Variants in DPYSL2 observed in about 807,000 individuals in gnomAD.
DPYSL2 encodes the protein dihydropyrimidinase like 2.
Under a neutral mutation model 69.9 loss-of-function variants are expected in DPYSL2, and 13 were observed. The observed-to-expected ratio is 0.19, with a 90% confidence interval of 0.12 to 0.30. The LOEUF (loss-of-function observed/expected upper bound fraction) is 0.30. Ranked by LOEUF, DPYSL2 falls within the 10% of genes least tolerant of loss-of-function variation. DPYSL2 has a pLI of 1.00. For missense variants in DPYSL2, 587 were observed against 918.9 expected (o/e 0.64, Z 4.67); for synonymous variants, 326 against 359.1 (o/e 0.91, Z 1.04).
chr8:26,621,553 G>T lies in DPYSL2; in HGVS notation c.629-2590G>T, dbSNP rs1213518154. Among the ~76,000 whole-genome samples, 1 of 152,186 alleles carries T rather than the reference G, an allele frequency of 6.6e-6. No homozygotes were observed. The highest frequency in any genetic ancestry group is 2.4e-5 in the African/African-American group (1 of 41,438). On this transcript the variant is annotated intron_variant, in intron 3 of 13. Coordinates refer to ENST00000521913, the MANE Select transcript of DPYSL2 (RefSeq NM_001197293.3). The surrounding 1 kb of genome is among the most constrained non-coding windows in gnomAD (Gnocchi z 4.9). ...GGCTCTTCCCTGATCTAGGCGTTCA[G>T]TACCTGCTCAGAGGGAGTTTACATT...
intron 1 of DPYSL2, among the ~76,000 whole-genome samples, chr8:26,519,775 A>G (rs1223232734): frequency 2.0e-5 from 3 of 152,084 alleles, no homozygotes; most frequent in Admixed American, 6.5e-5. Flanking sequence ...GTACAATTTA[A>G]TTTTGCAGGC....
chr8:26,608,702 A>T (rs1355534757), intron 3 of DPYSL2, among the ~76,000 whole-genome samples: 2 of 152,240 alleles, frequency 1.3e-5, no homozygotes, highest in Non-Finnish European at 2.9e-5. Context: ...GGGGACAAAA[A>T]AGACCCATTG....
In DPYSL2 at chr8:26,598,296, T is replaced by C. The variant is rs1801911551; in HGVS notation, c.628+14313T>C. ...ATCTACCTTTTCTTGTGTTCTTCTG[T>C]CGTCGAGAATCAATTAAAATGGTCA... On this transcript the variant is annotated intron_variant, in intron 3 of 13. Coordinates refer to ENST00000521913, the MANE Select transcript of DPYSL2 (RefSeq NM_001197293.3). This position sits in a 1 kb window ranked among gnomAD's most constrained non-coding sequence, Gnocchi z 4.2. Among the ~76,000 whole-genome samples, 1 of 152,228 alleles carries C rather than the reference T, an allele frequency of 6.6e-6. No individual in the cohort carries two copies. The highest frequency in any genetic ancestry group is 1.5e-5 in the Non-Finnish European group (1 of 68,044).
At position 26,621,472 on chromosome 8, in the gene DPYSL2, A is replaced by G. The variant is rs937471088; in HGVS notation, c.629-2671A>G. Among the ~76,000 whole-genome samples the G allele has an allele frequency of 6.6e-6, 1 of 152,156 alleles. No individual in the cohort carries two copies. Among genetic ancestry groups the G allele is most frequent in the African/African-American group, 2.4e-5 (1 of 41,420 alleles). ...TCCTTTGCTGCTTGACCTGATTGCA[A>G]GTGGAATGTGAGAGCCAGAAGGAAA... On this transcript the variant is annotated intron_variant, in intron 3 of 13. Coordinates refer to ENST00000521913, the MANE Select transcript of DPYSL2 (RefSeq NM_001197293.3). The surrounding 1 kb of genome is among the most constrained non-coding windows in gnomAD (Gnocchi z 4.9).
intron 3 of DPYSL2, among the ~76,000 whole-genome samples, chr8:26,615,221 TGAG>T (rs1802317660): frequency 1.3e-5 from 2 of 152,310 alleles, no homozygotes; most frequent in South Asian, 4.2e-4. Flanking sequence ...GAGGATTAAA[TGAG>T]AGAATCCATG....
At chr8:26,546,322 C>T (rs1326337733) in intron 1 of DPYSL2, among the ~76,000 whole-genome samples, 1 of 152,134 alleles carries the variant, frequency 6.6e-6, no homozygotes, top group Non-Finnish European at 1.5e-5. Flanking sequence ...AAGCAATGGA[C>T]TTTTGTATAT....
At position 26,588,872 on chromosome 8, in the gene DPYSL2, C is replaced by T. The variant is rs1301393406; in HGVS notation, c.628+4889C>T. ...AGTCATCCTAGCATCTTCATGTCCT[C>T]GTGCTGCCTTGAGTTGCTTTCATCT... On this transcript the variant is annotated intron_variant, in intron 3 of 13. Coordinates refer to ENST00000521913, the MANE Select transcript of DPYSL2 (RefSeq NM_001197293.3). This position sits in a 1 kb window ranked among gnomAD's most constrained non-coding sequence, Gnocchi z 5.4. Among the ~76,000 whole-genome samples the T allele has an allele frequency of 2.0e-5, 3 of 152,200 alleles. No homozygotes were observed.
rs575428606 is a variant in DPYSL2, at chr8:26,532,847, T to A, written c.354+18168T>A. 2.6e-5 allele frequency among the ~76,000 whole-genome samples: 4 copies of A among 152,372 alleles called. No individual in the cohort carries two copies. The East Asian group carries it at 7.7e-4, about 29-fold the overall frequency. On this transcript the variant is annotated intron_variant, in intron 1 of 13. Transcript: ENST00000521913. Reference sequence around the variant, plus strand: ...TGCTATGAATATTCATGGTAGAATCTGTGTGAACATATGTTTCCATTTCTC... The same window carrying A: ...TGCTATGAATATTCATGGTAGAATCAGTGTGAACATATGTTTCCATTTCTC...
At chr8:26,537,041 AT>A (rs5890319) in intron 1 of DPYSL2, among the ~76,000 whole-genome samples, 148,700 of 151,480 alleles carry the variant, frequency 0.98, 72,989 homozygotes, top group Non-Finnish European at 0.98. Flanking sequence ...AATAATACGG[AT>A]TTTTTTTTTT....
chr8:26,631,146 A>G (rs1463406156), intron 7 of DPYSL2, among the ~76,000 whole-genome samples: 1 of 152,192 alleles, frequency 6.6e-6, no homozygotes, highest in Non-Finnish European at 1.5e-5. Flanking sequence ...GAAGAGGAAA[A>G]TGCTCTCAGA....
chr8:26,540,877 C>A lies in DPYSL2; in HGVS notation c.354+26198C>A, dbSNP rs1226417995. ...CTGAGATCATGCCATTGCACTCCAGCTTTGGTGACAGAGTGAGACTCTGTC... is the reference window on the plus strand; with the variant it reads ...CTGAGATCATGCCATTGCACTCCAGATTTGGTGACAGAGTGAGACTCTGTC... On this transcript the variant is annotated intron_variant, in intron 1 of 13. Coordinates refer to ENST00000521913, the MANE Select transcript of DPYSL2 (RefSeq NM_001197293.3). Among the ~76,000 whole-genome samples, 4 of 139,326 alleles carry A rather than the reference C, an allele frequency of 2.9e-5. 1 individual carries two copies. The South Asian group carries it at 9.0e-4, about 31-fold the overall frequency. 91.4% of individuals were successfully genotyped at this position (139,326 alleles called of 152,430 possible). A position where few individuals can be genotyped will look rare whatever the true frequency, so the allele number is the denominator to read the frequency against.
Position 26,626,631 on chromosome 8 carries a change from C to T in DPYSL2, c.808C>T (p.Leu270Phe). Residue 270 changes from leucine (L) to phenylalanine (F), a missense_variant, in exon 5 of 14, where the codon CTC becomes TTC. Coordinates refer to ENST00000521913, the MANE Select transcript of DPYSL2 (RefSeq NM_001197293.3). The surrounding 1 kb of genome is among the most constrained non-coding windows in gnomAD (Gnocchi z 4.3). ...GTCCGCACTAGGGGTAAATTCCTTC[C>T]TCGTGTACATGGCTTTCAAAGATCG... ...LVKDHGVNSF[L>F]VYMAFKDRFQ... 1.2e-6 allele frequency: 2 copies of T among 1,614,142 alleles called. No homozygotes were observed. The highest frequency in any genetic ancestry group is 1.7e-6 in the Non-Finnish European group (2 of 1,180,038).
chr8:26,603,086 G>GTTCT (rs1802029018), intron 3 of DPYSL2, among the ~76,000 whole-genome samples: 1 of 152,272 alleles, frequency 6.6e-6, no homozygotes, highest in African/African-American at 2.4e-5. Context: ...GGATGTTTGA[G>GTTCT]TTCTATCTTC....
chr8:26,524,415 G>C (rs1343725208), intron 1 of DPYSL2, among the ~76,000 whole-genome samples: 1 of 151,864 alleles, frequency 6.6e-6, no homozygotes, highest in African/African-American at 2.4e-5. Context: ...TTTTTAAAAA[G>C]AAAAAAATCA....
chr8:26,628,003 G>T, intron 7 of DPYSL2, 63 bp downstream of exon 7: 1 of 1,532,446 alleles, frequency 6.5e-7, no homozygotes, highest in East Asian at 2.4e-5. Context: ...AGAGCCTCAG[G>T]GAACCTGCTT....
rs1284975175 is a variant in DPYSL2, at chr8:26,596,951, A to G, written c.628+12968A>G. Reference sequence around the variant, plus strand: ...GTTTGCCCTCAGGTACAGGGCTCCTATCCATCCTGGAAGAACAGAAAGATT... The same window carrying G: ...GTTTGCCCTCAGGTACAGGGCTCCTGTCCATCCTGGAAGAACAGAAAGATT... On this transcript the variant is annotated intron_variant, in intron 3 of 13. Coordinates refer to ENST00000521913, the MANE Select transcript of DPYSL2 (RefSeq NM_001197293.3). Among the ~76,000 whole-genome samples the G allele has an allele frequency of 3.3e-5, 5 of 152,194 alleles. No homozygotes were observed. In the East Asian group the frequency reaches 5.8e-4, roughly 18 times the overall value.
At position 26,580,049 on chromosome 8, in the gene DPYSL2, G is replaced by C. The variant is rs924061692; in HGVS notation, c.355-1920G>C. On this transcript the variant is annotated intron_variant, in intron 1 of 13. Transcript: ENST00000521913. This position sits in a 1 kb window ranked among gnomAD's most constrained non-coding sequence, Gnocchi z 4.1. ...TCCCTCACCACTGGCAGCCTCTTATGTAAGAGCCTTCTGGAAGGCACTAGA... is the reference window on the plus strand; with the variant it reads ...TCCCTCACCACTGGCAGCCTCTTATCTAAGAGCCTTCTGGAAGGCACTAGA... Among the ~76,000 whole-genome samples the C allele has an allele frequency of 3.4e-5, 5 of 148,816 alleles. No individual in the cohort carries two copies. Among genetic ancestry groups the C allele is most frequent in the African/African-American group, 1.2e-4 (5 of 40,212 alleles).
chr8:26,548,834 C>T (rs542137650), intron 1 of DPYSL2, among the ~76,000 whole-genome samples: 33 of 151,266 alleles, frequency 2.2e-4, no homozygotes, highest in African/African-American at 7.5e-4. Flanking sequence ...GCTGTGATTG[C>T]GCCACTGCAT....
intron 3 of DPYSL2, among the ~76,000 whole-genome samples, chr8:26,611,565 T>G (rs1802228971): frequency 1.3e-5 from 2 of 152,222 alleles, no homozygotes; most frequent in Admixed American, 1.3e-4. Context: ...TGAGGTGCTG[T>G]AAACGTGGCC....
Sources: allele counts gnomAD v4.1 joint callset (sites outside exome capture counted in the v4.1 genomes callset), GRCh38; gene constraint gnomAD v4.1.1; non-coding constraint Gnocchi (gnomAD v3.1); transcripts MANE v1.5; gene names NCBI Gene and HGNC (gene_info 2026-07-23, HGNC 2026-07-21).